The following UVRAG variants were observed in gnomAD, a reference collection of about 807,000 sequenced individuals.
UVRAG encodes the protein UV radiation resistance-associated gene protein.
In UVRAG, 19 loss-of-function variants were observed where a neutral mutation model predicts 78.0. The ratio of observed to expected loss-of-function variants is 0.24; its 90% CI spans 0.17 to 0.36. UVRAG has a LOEUF of 0.36. Ranked by LOEUF, UVRAG falls within the 10% of genes least tolerant of loss-of-function variation. UVRAG has a pLI of 1.00. For missense variants in UVRAG, 740 were observed against 853.8 expected, an observed-to-expected ratio of 0.87 and a Z score of 1.66; for synonymous variants, 323 against 324.6, an observed-to-expected ratio of 1.00 and a Z score of 0.05.
chr11:75,865,177 C>T (rs1472899965), intron 3 of UVRAG, among the ~76,000 whole-genome samples: 1 of 151,038 alleles, frequency 6.6e-6, no homozygotes, highest in Non-Finnish European at 1.5e-5. Context: ...ATCTCAGCTA[C>T]TCGGGAGGCT....
chr11:75,851,748 C>G (rs1946156386), intron 1 of UVRAG, 135 bp from the exon 2 acceptor site: 1 of 685,516 alleles, frequency 1.5e-6, no homozygotes, highest in Middle Eastern at 2.8e-4. Context: ...AAATAAGAGA[C>G]TGGGTTATGG....
At chr11:76,119,868 C>A (rs1380961639) in intron 14 of UVRAG, among the ~76,000 whole-genome samples, 2 of 152,222 alleles carry the variant, frequency 1.3e-5, no homozygotes, top group Non-Finnish European at 2.9e-5. Context: ...AATCACTCTT[C>A]AGCTTCAGTG....
chr11:76,132,699 A>G (rs942821378), intron 14 of UVRAG, among the ~76,000 whole-genome samples: 31 of 152,174 alleles, frequency 2.0e-4, no homozygotes, highest in African/African-American at 7.2e-4. Context: ...ATTTCTGCTC[A>G]TAGCTGATGC....
In UVRAG at chr11:76,016,684, A is replaced by G. The variant is rs149232904; in HGVS notation, c.1061-131A>G. 6,152 of 805,402 alleles carry G rather than the reference A, an allele frequency of 7.6e-3. 45 individuals carry two copies. The highest frequency in any genetic ancestry group is 0.011 in the South Asian group (281 of 25,140). 49.9% of individuals were successfully genotyped at this position (805,402 alleles called of 1,614,324 possible). ...GTTTACATTTGCATAAAATTTATAT[A>G]ATTTAGATAAGTGGTTAATATTTTA... On this transcript the variant is annotated intron_variant, in intron 11 of 14. Coordinates refer to ENST00000356136, the MANE Select transcript of UVRAG (RefSeq NM_003369.4).
chr11:75,825,204 G>A (rs1003609674), intron 1 of UVRAG, among the ~76,000 whole-genome samples: 2 of 151,888 alleles, frequency 1.3e-5, no homozygotes, highest in African/African-American at 4.8e-5. Context: ...TGCCTCCCAG[G>A]TTCAAGTAAT....
chr11:75,924,067 A>G (rs1948034365), intron 6 of UVRAG, among the ~76,000 whole-genome samples: 1 of 148,452 alleles, frequency 6.7e-6, no homozygotes, highest in Non-Finnish European at 1.5e-5. Flanking sequence ...CAGGGAATTT[A>G]TATCTCAGTT....
rs563856092 is a variant in UVRAG at position 75,983,482 on chromosome 11, G to A, written c.795G>A (p.Leu265=). 3.7e-6 allele frequency: 6 copies of A among 1,609,676 alleles called. No homozygotes were observed. Among genetic ancestry groups the A allele is most frequent in the African/African-American group, 1.3e-5 (1 of 74,978 alleles). ...CTTTGGGACGGGAGGTGGCATTACT[G>A]CATAAGCAACAAATTGCATTACAAG... ...KKALGREVAL[L]HKQQIALQDK... Residue 265 remains leucine, a synonymous_variant, in exon 8 of 15, where the codon CTG becomes CTA. Coordinates refer to ENST00000356136, the MANE Select transcript of UVRAG (RefSeq NM_003369.4).
chr11:76,029,138 C>G (rs1218187529), intron 12 of UVRAG, among the ~76,000 whole-genome samples: 1 of 152,126 alleles, frequency 6.6e-6, no homozygotes, highest in Non-Finnish European at 1.5e-5. Context: ...AACATCAAAT[C>G]CTATATGACA....
At chr11:75,955,135 C>T (rs866225512) in intron 6 of UVRAG, among the ~76,000 whole-genome samples, 1 of 152,230 alleles carries the variant, frequency 6.6e-6, no homozygotes, top group East Asian at 1.9e-4. Flanking sequence ...AGGGCCTTAC[C>T]TTGATGTAAA....
At chr11:76,073,277 G>A (rs1015922876) in intron 13 of UVRAG, among the ~76,000 whole-genome samples, 3 of 152,094 alleles carry the variant, frequency 2.0e-5, no homozygotes, top group African/African-American at 7.2e-5. Flanking sequence ...ATGTGCAATC[G>A]AGTTGCTAAG....
chr11:76,012,616 A>C (rs1430061905), intron 11 of UVRAG, among the ~76,000 whole-genome samples: 1 of 152,090 alleles, frequency 6.6e-6, no homozygotes, highest in East Asian at 1.9e-4. Context: ...TTTATGCTGC[A>C]TGGGGTGATA....
intron 12 of UVRAG, among the ~76,000 whole-genome samples, chr11:76,044,260 CAGA>C (rs1950703650): frequency 1.3e-5 from 2 of 152,114 alleles, no homozygotes; most frequent in African/African-American, 4.8e-5. Flanking sequence ...CTGTTAACAA[CAGA>C]AGAAGAGAAT....
chr11:75,861,847 T>C (rs1270198729), intron 3 of UVRAG, 67 bp downstream of exon 3: 8 of 1,356,290 alleles, frequency 5.9e-6, no homozygotes, highest in East Asian at 2.3e-5. Flanking sequence ...AATGCAGAAA[T>C]GTAAAATAAG....
chr11:76,076,377 A>G (rs1199338037), intron 13 of UVRAG, among the ~76,000 whole-genome samples: 4 of 152,218 alleles, frequency 2.6e-5, no homozygotes, highest in Admixed American at 6.5e-5. Context: ...ACTGTGTTAC[A>G]TGGCAGCAAG....
intron 12 of UVRAG, among the ~76,000 whole-genome samples, chr11:76,020,427 G>C (rs907869290): frequency 3.3e-5 from 5 of 152,042 alleles, no homozygotes; most frequent in African/African-American, 9.7e-5. Context: ...CAGGGCCCAA[G>C]GGCTTTTTGG....
At chr11:76,090,652 G>A (rs879366514) in intron 13 of UVRAG, among the ~76,000 whole-genome samples, 2 of 152,162 alleles carry the variant, frequency 1.3e-5, no homozygotes, top group Non-Finnish European at 2.9e-5. Flanking sequence ...GTAGTATACT[G>A]TGATTACTTT....
At chr11:76,133,230 G>T (rs1952543067) in intron 14 of UVRAG, among the ~76,000 whole-genome samples, 1 of 152,124 alleles carries the variant, frequency 6.6e-6, no homozygotes. Context: ...CCTTACTGCA[G>T]TAACTATTGG....
At chr11:75,815,589 G>A (rs956615633) in intron 1 of UVRAG, 65 bp downstream of exon 1, 2 of 1,060,524 alleles carry the variant, frequency 1.9e-6, no homozygotes, top group Non-Finnish European at 2.4e-6. Context: ...GAGCTTGCTG[G>A]CTCCGGGCTG....
chr11:75,951,227 A>G (rs7927853), intron 6 of UVRAG, among the ~76,000 whole-genome samples: 8,332 of 152,028 alleles, frequency 0.055, 287 homozygotes, highest in African/African-American at 0.098. Context: ...TATTTCCTAT[A>G]TACGTATTAA....
Sources: allele counts gnomAD v4.1 joint callset (sites outside exome capture counted in the v4.1 genomes callset), GRCh38; gene constraint gnomAD v4.1.1; transcripts MANE v1.5; gene names NCBI Gene and HGNC (gene_info 2026-07-23, HGNC 2026-07-21).